The following MYO7B variants were observed in gnomAD, a reference collection of about 807,000 sequenced individuals.
The protein encoded by MYO7B is unconventional myosin-VIIb.
In MYO7B, 212 loss-of-function variants were observed where a neutral mutation model predicts 259.7. The observed-to-expected ratio is 0.82, with a 90% CI of 0.73 to 0.91. The LOEUF is 0.91. MYO7B is among the 40% of genes least tolerant of loss of function. The pLI is 0.00. For missense variants in MYO7B, 2,732 were observed against 2,813.5 expected (o/e 0.97, Z 0.66); for synonymous variants, 1,197 against 1,166.4 (o/e 1.03, Z -0.54).
At chr2:127,537,034 AT>A (rs1236409316) in intron 1 of MYO7B, among the ~76,000 whole-genome samples, 28 of 152,328 alleles carry the variant, frequency 1.8e-4, no homozygotes, top group Middle Eastern at 3.4e-3. Context: ...ATTATAAAAA[AT>A]TTATCTTAAA....
rs1423535414 is a variant in MYO7B at position 127,559,043 on chromosome 2, G to A, written c.-23-657G>A. Among the ~76,000 whole-genome samples the A allele has an allele frequency of 6.6e-6, 1 of 152,172 alleles. No individual in the cohort carries two copies. The highest frequency in any genetic ancestry group is 1.9e-4 in the East Asian group (1 of 5,200). On this transcript the variant is annotated intron_variant, in intron 1 of 47. Coordinates refer to ENST00000409816, the MANE Select transcript of MYO7B (RefSeq NM_001393586.1). This position sits in a 1 kb window ranked among gnomAD's most constrained non-coding sequence, Gnocchi z 4.1. ...CTTGCACTGCTCAGCGCAGGGAGGGGAAGCTGCCAACACTCAGTCAGGGTA... is the reference window on the plus strand; with the variant it reads ...CTTGCACTGCTCAGCGCAGGGAGGGAAAGCTGCCAACACTCAGTCAGGGTA...
rs529020021 is a variant in MYO7B, at chr2:127,634,417, T to C, written c.5625+128T>C. The C allele has an allele frequency of 2.0e-4, 180 of 913,824 alleles. 1 individual carries two copies. The African/African-American group carries it at 2.9e-3, about 15-fold the overall frequency. 56.6% of individuals were successfully genotyped at this position (913,824 alleles called of 1,614,324 possible). A position where few individuals can be genotyped will look rare whatever the true frequency, so the allele number is the denominator to read the frequency against. On this transcript the variant is annotated intron_variant, in intron 41 of 47. Transcript: ENST00000409816. ...GACCAGGCTGCACGGCCAGGGCTGC[T>C]GGGACAGAGGTAGGTGGGGTCCTGG...
chr2:127,636,740 A>G lies in MYO7B; in HGVS notation c.6208-54A>G. ...CTGCCTCTCTCCTGTCCCCTAACAC[A>G]CACAGAGCCCGTGCTCTGGAGGCGT... On this transcript the variant is annotated intron_variant, in intron 46 of 47. Transcript: ENST00000409816. This position sits in a 1 kb window ranked among gnomAD's most constrained non-coding sequence, Gnocchi z 4.5. 6.2e-7 allele frequency: 1 copy of G among 1,611,844 alleles called. No homozygotes were observed. Among genetic ancestry groups the G allele is most frequent in the Non-Finnish European group, 8.5e-7 (1 of 1,179,036 alleles).
intron 29 of MYO7B, among the ~76,000 whole-genome samples, chr2:127,623,736 G>A (rs1170568356): frequency 1.3e-5 from 2 of 152,060 alleles, no homozygotes; most frequent in Non-Finnish European, 2.9e-5. Flanking sequence ...AAACATGGAG[G>A]GTCACACCAG....
At chr2:127,592,459 C>G (rs1421096045) in intron 16 of MYO7B, among the ~76,000 whole-genome samples, 1 of 152,108 alleles carries the variant, frequency 6.6e-6, no homozygotes, top group Non-Finnish European at 1.5e-5. Context: ...TGGGCATGTG[C>G]AGAGGACGTT....
At chr2:127,570,411 G>A (rs1307189935) in intron 6 of MYO7B, among the ~76,000 whole-genome samples, 1 of 152,214 alleles carries the variant, frequency 6.6e-6, no homozygotes, top group Non-Finnish European at 1.5e-5. Flanking sequence ...GGCTCACGCT[G>A]TGATCCAGAT....
At chr2:127,557,853 T>C (rs555025874) in intron 1 of MYO7B, among the ~76,000 whole-genome samples, 1 of 152,138 alleles carries the variant, frequency 6.6e-6, no homozygotes, top group African/African-American at 2.4e-5. Context: ...TCAAGATGGA[T>C]CAAGGACTTA....
At position 127,566,730 on chromosome 2, in the gene MYO7B, C is replaced by T. The variant is rs370941935; in HGVS notation, c.373C>T (p.Arg125Cys). ...TLEQVQLYYS[R>C]HMGELPPHVF... ...GGAGCAGGTACAGCTCTACTACAGC[C>T]GCCATATGGGCGAGCTGCCCCCGCA... Residue 125 changes from arginine (R) to cysteine (C), a missense_variant, in exon 5 of 48, where the codon CGC (arginine) becomes TGC (cysteine). Transcript: ENST00000409816. 1.1e-5 allele frequency: 18 copies of T among 1,612,634 alleles called. No individual in the cohort carries two copies. The highest frequency in any genetic ancestry group is 3.3e-4 in the Middle Eastern group (2 of 6,082).
intron 9 of MYO7B, among the ~76,000 whole-genome samples, chr2:127,579,655 G>A (rs1200020290): frequency 6.6e-6 from 1 of 152,148 alleles, no homozygotes; most frequent in Non-Finnish European, 1.5e-5. Flanking sequence ...GTGGGATCTC[G>A]ACTCACTGCA....
At chr2:127,560,010 C>A (rs1431435913) in intron 2 of MYO7B, among the ~76,000 whole-genome samples, 1 of 133,582 alleles carries the variant, frequency 7.5e-6, no homozygotes, top group Non-Finnish European at 1.5e-5. Context: ...AAAGGGATTT[C>A]TTTTCTTTTC....
chr2:127,627,151 T>G lies in MYO7B; in HGVS notation c.4334-33T>G. On this transcript the variant is annotated intron_variant, in intron 32 of 47. Coordinates refer to ENST00000409816, the MANE Select transcript of MYO7B (RefSeq NM_001393586.1). This position sits in a 1 kb window ranked among gnomAD's most constrained non-coding sequence, Gnocchi z 5.6. ...ATGGGCTGGGCACCCAGGGGTCCCA[T>G]GCAGCCTTCACACTGCCGTCTCTCC... 3.7e-6 allele frequency: 6 copies of G among 1,604,046 alleles called. No homozygotes were observed. The highest frequency in any genetic ancestry group is 5.1e-6 in the Non-Finnish European group (6 of 1,175,620).
chr2:127,565,497 G>A, intron 4 of MYO7B, 112 bp downstream of exon 4: 4 of 1,415,418 alleles, frequency 2.8e-6, no homozygotes, highest in Non-Finnish European at 3.8e-6. Flanking sequence ...CCCTCACTGA[G>A]GGAGGTGGGC....
chr2:127,592,836 G>C lies in MYO7B; in HGVS notation c.2035G>C (p.Gly679Arg). The C allele has an allele frequency of 6.2e-7, 1 of 1,610,486 alleles. No individual in the cohort carries two copies. Among genetic ancestry groups the C allele is most frequent in the Non-Finnish European group, 8.5e-7 (1 of 1,179,066 alleles). The change falls in exon 17 of 48, where the codon GGC becomes CGC. Residue 679 changes from glycine to arginine, a missense_variant. Coordinates refer to ENST00000409816, the MANE Select transcript of MYO7B (RefSeq NM_001393586.1). Reference protein sequence around the residue: ...ELCLRQLRYSGMMETVHIRKS... With the variant: ...ELCLRQLRYSRMMETVHIRKS... ...GTGCCTGCGGCAGCTGCGATACTCG[G>C]GCATGATGGAGACCGTGCACATCCG... is the stretch of plus-strand genomic sequence containing the variant.
chr2:127,634,261 G>A lies in MYO7B; in HGVS notation c.5597G>A (p.Cys1866Tyr), dbSNP rs1360425455. 6.3e-7 allele frequency: 1 copy of A among 1,587,810 alleles called. No individual in the cohort carries two copies. Among genetic ancestry groups the A allele is most frequent in the South Asian group, 1.1e-5 (1 of 86,968 alleles). Residue 1866 changes from cysteine (C) to tyrosine (Y), a missense_variant, in exon 41 of 48, where the codon TGC becomes TAC. Coordinates refer to ENST00000409816, the MANE Select transcript of MYO7B (RefSeq NM_001393586.1). ...TRLQLASWEGCSLFIKISDKV... is the reference protein window; with the variant it reads ...TRLQLASWEGYSLFIKISDKV... ...CTGCAGCTGGCCTCCTGGGAGGGCT[G>A]CAGCCTCTTCATCAAGATTTCAGAC...
At chr2:127,566,441 G>C (rs1009375874) in intron 4 of MYO7B, among the ~76,000 whole-genome samples, 2 of 152,220 alleles carry the variant, frequency 1.3e-5, no homozygotes, top group Admixed American at 6.5e-5. Flanking sequence ...CACCTTCCTG[G>C]TGGATATCCC....
chr2:127,621,546 C>T (rs1456853762), intron 27 of MYO7B, among the ~76,000 whole-genome samples: 1 of 152,182 alleles, frequency 6.6e-6, no homozygotes, highest in African/African-American at 2.4e-5. Context: ...TAGGTGTGAG[C>T]CACCATGCCT....
At chr2:127,562,493 T>G (rs1170034537) in intron 2 of MYO7B, among the ~76,000 whole-genome samples, 32 of 140,798 alleles carry the variant, frequency 2.3e-4, no homozygotes, top group African/African-American at 7.1e-4. Flanking sequence ...TTTTTTTTTT[T>G]TTTTTTTTTT....
chr2:127,562,430 G>A lies in MYO7B; in HGVS notation c.19-1723G>A, dbSNP rs13407175. On this transcript the variant is annotated intron_variant, in intron 2 of 47. Coordinates refer to ENST00000409816, the MANE Select transcript of MYO7B (RefSeq NM_001393586.1). ...TCCTGCATCAGCCTCCTGATTAGCT[G>A]GGATTACAGGCGCCCACCACCACGC... 4.7e-3 allele frequency among the ~76,000 whole-genome samples: 710 copies of A among 151,094 alleles called. 6 individuals are homozygous for A. The highest frequency in any genetic ancestry group is 0.016 in the African/African-American group (655 of 41,126).
At position 127,577,798 on chromosome 2, in the gene MYO7B, G is replaced by A. The variant is rs916164867; in HGVS notation, c.850-335G>A. On this transcript the variant is annotated intron_variant, in intron 8 of 47. Coordinates refer to ENST00000409816, the MANE Select transcript of MYO7B (RefSeq NM_001393586.1). This position sits in a 1 kb window ranked among gnomAD's most constrained non-coding sequence, Gnocchi z 5.2. ...TGCGCAGCACAGGGCCTGGCCCATGGCGAGCCATGGAAAGTGTTTCTTAAA... is the reference window on the plus strand; with the variant it reads ...TGCGCAGCACAGGGCCTGGCCCATGACGAGCCATGGAAAGTGTTTCTTAAA... Among the ~76,000 whole-genome samples, 1 of 152,220 alleles carries A rather than the reference G, an allele frequency of 6.6e-6. No individual in the cohort carries two copies. Among genetic ancestry groups the A allele is most frequent in the African/African-American group, 2.4e-5 (1 of 41,458 alleles).
Sources: gnomAD v4.1 joint callset for allele counts (sites outside exome capture counted in the v4.1 genomes callset) on GRCh38, gnomAD v4.1.1 for gene constraint, Gnocchi (gnomAD v3.1) non-coding constraint, MANE v1.5 for transcripts, NCBI Gene and HGNC (gene_info 2026-07-23, HGNC 2026-07-21) for gene names.